The following AGAP1 variants were observed in gnomAD, a reference collection of about 807,000 sequenced individuals.
The protein encoded by AGAP1 is arf-GAP with GTPase, ANK repeat and PH domain-containing protein 1.
AGAP1 carries 29 observed loss-of-function variants against 105.3 expected under a neutral mutation model. That is an observed-to-expected ratio of 0.28 (90% CI 0.21 to 0.38). The LOEUF (loss-of-function observed/expected upper bound fraction) is 0.38, where lower values mean the gene tolerates loss of function less well. Ranked by LOEUF, AGAP1 falls within the 10% of genes least tolerant of loss-of-function variation. The pLI, the probability that AGAP1 is intolerant of heterozygous loss-of-function variation, is 1.00. For synonymous variants in AGAP1, 509 were observed against 485.9 expected (o/e 1.05, Z -0.63); for missense variants, 998 against 1,165.1 (o/e 0.86, Z 2.09).
At position 236,124,366 on chromosome 2, in the gene AGAP1, C is replaced by T. The variant is rs533787635; in HGVS notation, c.*244C>T. On this transcript the variant is annotated 3_prime_UTR_variant, in exon 18 of 18. Coordinates refer to ENST00000304032, the MANE Select transcript of AGAP1 (RefSeq NM_001037131.3). The surrounding 1 kb of genome is among the most constrained non-coding windows in gnomAD (Gnocchi z 5.1). ...TTCATAAACTCCCCTAAACCACACA[C>T]AGGAGAGAGCGACGGGCCTCGGCCC... 25 of 566,820 alleles carry T rather than the reference C, an allele frequency of 4.4e-5. No individual in the cohort carries two copies. The highest frequency in any genetic ancestry group is 4.1e-4 in the African/African-American group (22 of 53,154). 35.1% of individuals were successfully genotyped at this position (566,820 alleles called of 1,614,324 possible). A position where few individuals can be genotyped will look rare whatever the true frequency, so the allele number is the denominator to read the frequency against.
chr2:235,930,579 C>T lies in AGAP1; in HGVS notation c.1325-186C>T, dbSNP rs1423107287. ...CTTTGTCAGGCACCATCAAGATTGGCGTCCCCCTTTTATTCCTCCCGAATA... is the reference window on the plus strand; with the variant it reads ...CTTTGTCAGGCACCATCAAGATTGGTGTCCCCCTTTTATTCCTCCCGAATA... On this transcript the variant is annotated intron_variant, in intron 11 of 17. Transcript: ENST00000304032. The surrounding 1 kb of genome is among the most constrained non-coding windows in gnomAD (Gnocchi z 7.9). Among the ~76,000 whole-genome samples the T allele has an allele frequency of 1.3e-5, 2 of 151,884 alleles. No individual in the cohort carries two copies. The highest frequency in any genetic ancestry group is 1.9e-4 in the East Asian group (1 of 5,152).
chr2:235,637,241 G>A (rs1044297700), intron 1 of AGAP1, among the ~76,000 whole-genome samples: 6 of 152,074 alleles, frequency 3.9e-5, no homozygotes, highest in Admixed American at 3.9e-4. Context: ...GGTAGTGACA[G>A]TTTGCCCAGC....
chr2:236,074,210 C>G (rs749518069), intron 16 of AGAP1, among the ~76,000 whole-genome samples: 8 of 152,214 alleles, frequency 5.3e-5, no homozygotes, highest in Non-Finnish European at 1.2e-4. Flanking sequence ...GGCCACAAGT[C>G]AGCATAAGTG....
chr2:235,750,562 T>C lies in AGAP1; in HGVS notation c.673+74T>C. The C allele has an allele frequency of 3.1e-6, 5 of 1,597,304 alleles. No individual in the cohort carries two copies. Among genetic ancestry groups the C allele is most frequent in the Non-Finnish European group, 4.3e-6 (5 of 1,167,056 alleles). On this transcript the variant is annotated intron_variant, in intron 6 of 17. Transcript: ENST00000304032. This position sits in a 1 kb window ranked among gnomAD's most constrained non-coding sequence, Gnocchi z 5.3. ...GGCACTTCAAGAAGTCAGTCCTGCC[T>C]GCACTTGTGCATGTGGGTGGTGGAA...
intron 3 of AGAP1, among the ~76,000 whole-genome samples, chr2:235,722,735 T>C (rs1951450074): frequency 6.6e-6 from 1 of 152,176 alleles, no homozygotes; most frequent in South Asian, 2.1e-4. Flanking sequence ...ACGTATCTTC[T>C]AGGGGATACA....
At chr2:235,880,457 A>T (rs2049960286) in intron 9 of AGAP1, among the ~76,000 whole-genome samples, 1 of 152,118 alleles carries the variant, frequency 6.6e-6, no homozygotes, top group African/African-American at 2.4e-5. Context: ...GAAATGAATG[A>T]CGGAAAAATG....
At chr2:235,854,348 C>T (rs2048597089) in intron 9 of AGAP1, among the ~76,000 whole-genome samples, 1 of 152,240 alleles carries the variant, frequency 6.6e-6, no homozygotes, top group South Asian at 2.1e-4. Flanking sequence ...CTGTTGGCTC[C>T]CTATGGGCCT....
intron 1 of AGAP1, among the ~76,000 whole-genome samples, chr2:235,616,137 C>A (rs1377643762): frequency 2.0e-5 from 3 of 151,672 alleles, no homozygotes; most frequent in Non-Finnish European, 4.4e-5. Context: ...TAGAGGCAGG[C>A]ATATCACAAG....
At chr2:235,878,681 A>G (rs1422884125) in intron 9 of AGAP1, among the ~76,000 whole-genome samples, 1 of 152,210 alleles carries the variant, frequency 6.6e-6, no homozygotes, top group Non-Finnish European at 1.5e-5. Flanking sequence ...ATATTTGCTC[A>G]TCTGCTCTCA....
chr2:235,505,156 C>G (rs979328855), intron 1 of AGAP1, among the ~76,000 whole-genome samples: 1 of 152,228 alleles, frequency 6.6e-6, no homozygotes, highest in Non-Finnish European at 1.5e-5. Context: ...TTGGCCTAAA[C>G]TGTGTTATGG....
Position 235,889,111 on chromosome 2 carries a change from T to C in AGAP1, c.1155+5662T>C, listed in dbSNP as rs1204320471. ...CACCTTTGGACACGAACTTCAAGTA[T>C]CAGTCCCAGACAGATGTTTTCCACA... On this transcript the variant is annotated intron_variant, in intron 10 of 17. Transcript: ENST00000304032. The surrounding 1 kb of genome is among the most constrained non-coding windows in gnomAD (Gnocchi z 4.6). 2.0e-5 allele frequency among the ~76,000 whole-genome samples: 3 copies of C among 152,206 alleles called. No individual in the cohort carries two copies. Among genetic ancestry groups the C allele is most frequent in the Non-Finnish European group, 4.4e-5 (3 of 68,036 alleles).
chr2:236,073,116 C>T lies in AGAP1; in HGVS notation c.2114+23835C>T, dbSNP rs2125804874. ...ATTCGAGCGATTCTCCTGCCTTGGT[C>T]CCCCGAGTAGCTGGGATTACAGGCG... is the stretch of plus-strand genomic sequence containing the variant. On this transcript the variant is annotated intron_variant, in intron 16 of 17. Coordinates refer to ENST00000304032, the MANE Select transcript of AGAP1 (RefSeq NM_001037131.3). This position sits in a 1 kb window ranked among gnomAD's most constrained non-coding sequence, Gnocchi z 5.4. Among the ~76,000 whole-genome samples the T allele has an allele frequency of 6.6e-6, 1 of 152,166 alleles. No individual in the cohort carries two copies. The highest frequency in any genetic ancestry group is 2.1e-4 in the South Asian group (1 of 4,818).
At chr2:236,022,054 C>CAAA (rs55810820) in intron 13 of AGAP1, among the ~76,000 whole-genome samples, 6 of 89,290 alleles carry the variant, frequency 6.7e-5, no homozygotes, top group South Asian at 4.3e-4. Flanking sequence ...GACCCTGTCT[C>CAAA]AAAAAAAAAA....
intron 9 of AGAP1, among the ~76,000 whole-genome samples, chr2:235,829,604 G>C (rs894345508): frequency 2.6e-5 from 4 of 152,228 alleles, no homozygotes; most frequent in African/African-American, 9.6e-5. Context: ...ATGTTAGCTT[G>C]TTATATATTG....
intron 13 of AGAP1, among the ~76,000 whole-genome samples, chr2:235,996,561 C>T (rs945520288): frequency 1.2e-4 from 18 of 152,202 alleles, no homozygotes; most frequent in African/African-American, 3.9e-4. Flanking sequence ...CAAGCCCTGA[C>T]GTCAGCATGA....
intron 1 of AGAP1, among the ~76,000 whole-genome samples, chr2:235,619,397 A>T (rs1946405987): frequency 7.0e-6 from 1 of 142,192 alleles, no homozygotes; most frequent in East Asian, 2.1e-4. Context: ...GGGAGCTGGG[A>T]TTCAATCCTG....
chr2:235,861,307 A>T (rs868365247), intron 9 of AGAP1, among the ~76,000 whole-genome samples: 1 of 152,172 alleles, frequency 6.6e-6, no homozygotes. Flanking sequence ...TTGGGAGTGA[A>T]ATAAGGTGTG....
intron 13 of AGAP1, among the ~76,000 whole-genome samples, chr2:236,023,581 C>T (rs1482732691): frequency 6.6e-6 from 1 of 152,072 alleles, no homozygotes; most frequent in Admixed American, 6.5e-5. Flanking sequence ...TCACCAAGGT[C>T]AGGAGTGGAG....
chr2:236,026,875 GC>G (rs1461656333), intron 13 of AGAP1, among the ~76,000 whole-genome samples: 1 of 152,216 alleles, frequency 6.6e-6, no homozygotes, highest in Non-Finnish European at 1.5e-5. Flanking sequence ...GACCCTTCCA[GC>G]CCCTATGCCG....
Sources: gnomAD v4.1 joint callset for allele counts (sites outside exome capture counted in the v4.1 genomes callset) on GRCh38, gnomAD v4.1.1 for gene constraint, Gnocchi (gnomAD v3.1) non-coding constraint, MANE v1.5 for transcripts, NCBI Gene and HGNC (gene_info 2026-07-23, HGNC 2026-07-21) for gene names.